The following TMEM196 variants were observed in gnomAD, a reference collection of about 807,000 sequenced individuals.
TMEM196 encodes the protein transmembrane protein 196.
A neutral mutation model predicts 20.0 loss-of-function variants in TMEM196; 17 were observed. The observed-to-expected ratio is 0.85, with a 90% CI of 0.58 to 1.27. TMEM196 has a LOEUF of 1.27. Ranked by LOEUF, TMEM196 falls within the 50% of genes most tolerant of loss-of-function variation. The probability of loss-of-function intolerance (pLI) is 0.00; values close to 1 mark genes in which losing one functional copy is unlikely to be tolerated. For synonymous variants in TMEM196, 113 were observed against 88.9 expected (o/e 1.27, Z -1.52); for missense variants, 267 against 223.0 (o/e 1.20, Z -1.26).
chr7:19,747,142 C>A lies in TMEM196; in HGVS notation c.148-17704G>T, dbSNP rs1339111353. Reference sequence around the variant, plus strand: ...TAGTGGCGGGCGCCTGTAGTCCCAGCTACTTGGGAGGCTGAGGCAGGAGAA... The same window carrying A: ...TAGTGGCGGGCGCCTGTAGTCCCAGATACTTGGGAGGCTGAGGCAGGAGAA... On this transcript the variant is annotated intron_variant, in intron 1 of 4. Coordinates refer to ENST00000405844, the MANE Select transcript of TMEM196 (RefSeq NM_001363562.2). Among the ~76,000 whole-genome samples the A allele has an allele frequency of 3.3e-5, 5 of 150,834 alleles. 1 individual carries two copies. The highest frequency in any genetic ancestry group is 4.2e-4 in the South Asian group (2 of 4,790).
rs571554334 is a variant in TMEM196, at chr7:19,748,805, G to A, written c.148-19367C>T. 3.3e-5 allele frequency among the ~76,000 whole-genome samples: 5 copies of A among 152,260 alleles called. No homozygotes were observed. The South Asian group carries it at 1.0e-3, about 32-fold the overall frequency. On this transcript the variant is annotated intron_variant, in intron 1 of 4. Transcript: ENST00000405844. ...GGCAGAAAGTTTTTTAGGAGGTAGA[G>A]ACAATATTTGCCTTAAATAATTATA... is the stretch of plus-strand genomic sequence containing the variant.
chr7:19,754,146 G>A (rs984200244), intron 1 of TMEM196, among the ~76,000 whole-genome samples: 1 of 152,168 alleles, frequency 6.6e-6, no homozygotes, highest in African/African-American at 2.4e-5. Flanking sequence ...CTTTGAGAAA[G>A]TTACTTATTT....
chr7:19,728,953 G>C (rs142871333), intron 2 of TMEM196, among the ~76,000 whole-genome samples: 1 of 152,140 alleles, frequency 6.6e-6, no homozygotes, highest in Non-Finnish European at 1.5e-5. Flanking sequence ...TTGCTGCTTC[G>C]CAAAACTTGC....
intron 1 of TMEM196, among the ~76,000 whole-genome samples, chr7:19,750,342 T>C (rs114905420): frequency 0.01 from 1,527 of 152,308 alleles, 31 homozygotes; most frequent in African/African-American, 0.035. Flanking sequence ...GCCATAAATA[T>C]ATACAATTAT....
intron 1 of TMEM196, among the ~76,000 whole-genome samples, chr7:19,735,398 T>C (rs1207875169): frequency 1.3e-5 from 2 of 152,204 alleles, no homozygotes; most frequent in Non-Finnish European, 2.9e-5. Flanking sequence ...TTAGAATTTC[T>C]CTAAAATGAG....
chr7:19,735,470 C>G (rs144635206), intron 1 of TMEM196, among the ~76,000 whole-genome samples: 1 of 152,070 alleles, frequency 6.6e-6, no homozygotes, highest in African/African-American at 2.4e-5. Flanking sequence ...CTTTCTTTTT[C>G]TCTCTCTCTT....
chr7:19,737,125 A>G (rs2128021076), intron 1 of TMEM196, among the ~76,000 whole-genome samples: 1 of 152,178 alleles, frequency 6.6e-6, no homozygotes, highest in South Asian at 2.1e-4. Flanking sequence ...GAATAAGAAA[A>G]CAAACAACTG....
chr7:19,762,961 T>A (rs769501450), intron 1 of TMEM196, among the ~76,000 whole-genome samples: 12 of 152,328 alleles, frequency 7.9e-5, no homozygotes, highest in Non-Finnish European at 1.8e-4. Context: ...ATTAGGAACT[T>A]GCCCCCAAGT....
intron 1 of TMEM196, among the ~76,000 whole-genome samples, chr7:19,768,897 T>C (rs1029644058): frequency 6.6e-6 from 1 of 152,176 alleles, no homozygotes; most frequent in Non-Finnish European, 1.5e-5. Flanking sequence ...CTTATCTTTA[T>C]TTTTAAGCCA....
chr7:19,757,678 A>G (rs577293689), intron 1 of TMEM196, among the ~76,000 whole-genome samples: 1 of 151,740 alleles, frequency 6.6e-6, no homozygotes, highest in Admixed American at 6.6e-5. Flanking sequence ...AGTTAAAGTT[A>G]CTCCTTTTTT....
chr7:19,758,398 T>C (rs1365433348), intron 1 of TMEM196, among the ~76,000 whole-genome samples: 1 of 152,204 alleles, frequency 6.6e-6, no homozygotes, highest in Non-Finnish European at 1.5e-5. Context: ...TGCTAATAAT[T>C]TGGGATCATT....
At chr7:19,740,968 T>A (rs980156709) in intron 1 of TMEM196, among the ~76,000 whole-genome samples, 2 of 152,150 alleles carry the variant, frequency 1.3e-5, no homozygotes, top group Admixed American at 1.3e-4. Flanking sequence ...GCCTCCACCT[T>A]CAATAACTAA....
intron 1 of TMEM196, among the ~76,000 whole-genome samples, chr7:19,757,533 G>A (rs957189208): frequency 9.9e-5 from 15 of 151,732 alleles, no homozygotes; most frequent in South Asian, 6.2e-4. Context: ...GAGCCATGAT[G>A]CCCAGTCAAT....
chr7:19,728,288 A>G (rs1297068524), intron 2 of TMEM196, among the ~76,000 whole-genome samples: 1 of 151,942 alleles, frequency 6.6e-6, no homozygotes, highest in Non-Finnish European at 1.5e-5. Flanking sequence ...CTACATAGTC[A>G]TAAAGAGTCT....
chr7:19,755,516 A>G (rs1388225951), intron 1 of TMEM196, among the ~76,000 whole-genome samples: 1 of 152,182 alleles, frequency 6.6e-6, no homozygotes, highest in Non-Finnish European at 1.5e-5. Context: ...AGTAACAGAG[A>G]GACTTTGATT....
In TMEM196 at chr7:19,733,748, T is replaced by C. The variant is rs189071697; in HGVS notation, c.148-4310A>G. 1.2e-4 allele frequency among the ~76,000 whole-genome samples: 18 copies of C among 151,904 alleles called. No individual in the cohort carries two copies. In the East Asian group the frequency reaches 2.9e-3, roughly 25 times the overall value. On this transcript the variant is annotated intron_variant, in intron 1 of 4. Transcript: ENST00000405844. Reference sequence around the variant, plus strand: ...TATACGAAGTAGAGGACATTGACCATTGGAGAAGAGGCAGGAGCCTCTCGC... The same window carrying C: ...TATACGAAGTAGAGGACATTGACCACTGGAGAAGAGGCAGGAGCCTCTCGC...
intron 4 of TMEM196, 49 bp from the exon 5 acceptor site, chr7:19,722,183 C>T (rs746995402): frequency 2.8e-5 from 43 of 1,517,414 alleles, no homozygotes; most frequent in Non-Finnish European, 3.6e-5. Context: ...TGGAGTAAGA[C>T]ATTGTTTTGG....
intron 1 of TMEM196, among the ~76,000 whole-genome samples, chr7:19,736,502 T>C (rs1227529934): frequency 6.6e-6 from 1 of 151,082 alleles, no homozygotes; most frequent in Non-Finnish European, 1.5e-5. Context: ...TAATTCCTGA[T>C]ATTTTAACCA....
At chr7:19,726,004 A>G (rs1021548074) in intron 2 of TMEM196, among the ~76,000 whole-genome samples, 1 of 152,212 alleles carries the variant, frequency 6.6e-6, no homozygotes, top group Non-Finnish European at 1.5e-5. Context: ...AGAAATTGAT[A>G]GCTGACTATA....
Sources: allele counts gnomAD v4.1 joint callset (sites outside exome capture counted in the v4.1 genomes callset), GRCh38; gene constraint gnomAD v4.1.1; transcripts MANE v1.5; gene names NCBI Gene and HGNC (gene_info 2026-07-23, HGNC 2026-07-21).